The following WWOX variants were observed in gnomAD, a reference collection of about 807,000 sequenced individuals.
The protein encoded by WWOX is WW domain-containing oxidoreductase.
A neutral mutation model predicts 46.2 loss-of-function variants in WWOX; 69 were observed. The observed-to-expected ratio is 1.49, with a 90% CI of 1.23 to 1.82. WWOX has a LOEUF of 1.82. Among genes scored for constraint, WWOX ranks in the 40% most tolerant of loss-of-function variants. WWOX has a pLI of 0.00. For missense variants in WWOX, 919 were observed against 542.6 expected (o/e 1.69, Z -6.89); for synonymous variants, 359 against 202.6 (o/e 1.77, Z -6.56).
At chr16:78,389,250 A>G (rs1387457485) in intron 6 of WWOX, among the ~76,000 whole-genome samples, 2 of 152,180 alleles carry the variant, frequency 1.3e-5, no homozygotes, top group East Asian at 1.9e-4. Context: ...AGCATTCAAG[A>G]CATTTGTTCG....
intron 8 of WWOX, among the ~76,000 whole-genome samples, chr16:78,794,919 C>T (rs78125873): frequency 1.3e-5 from 2 of 152,152 alleles, no homozygotes; most frequent in Admixed American, 6.5e-5. Flanking sequence ...TAGCCCTGTG[C>T]CTGGCATACT....
intron 8 of WWOX, among the ~76,000 whole-genome samples, chr16:78,874,497 G>C (rs2151206554): frequency 6.6e-6 from 1 of 152,008 alleles, no homozygotes; most frequent in African/African-American, 2.4e-5. Context: ...AGCCTGATGT[G>C]GTGCCTGGCC....
intron 4 of WWOX, among the ~76,000 whole-genome samples, chr16:78,135,778 A>G (rs9929762): frequency 0.48 from 72,607 of 151,950 alleles, 17,434 homozygotes; most frequent in African/African-American, 0.54. Context: ...TGACATGTCG[A>G]TCTGTGATTC....
intron 8 of WWOX, among the ~76,000 whole-genome samples, chr16:79,123,525 G>T (rs181754917): frequency 6.6e-6 from 1 of 152,054 alleles, no homozygotes; most frequent in South Asian, 2.1e-4. Flanking sequence ...TAACAGTTCT[G>T]TGCCTGAGTA....
At chr16:78,755,186 G>T (rs1420538588) in intron 8 of WWOX, among the ~76,000 whole-genome samples, 6 of 148,548 alleles carry the variant, frequency 4.0e-5, no homozygotes, top group Admixed American at 1.4e-4. Context: ...TGCATGTTCT[G>T]CACATGTATC....
chr16:78,920,072 T>G (rs977884360), intron 8 of WWOX, among the ~76,000 whole-genome samples: 1 of 152,166 alleles, frequency 6.6e-6, no homozygotes, highest in South Asian at 2.1e-4. Context: ...GACCCCACCA[T>G]GCCATAGCTT....
At chr16:78,400,241 C>A (rs1039053626) in intron 6 of WWOX, among the ~76,000 whole-genome samples, 3 of 152,136 alleles carry the variant, frequency 2.0e-5, no homozygotes, top group Non-Finnish European at 4.4e-5. Context: ...GAAAAGGTCT[C>A]TGTTTGTCTC....
chr16:78,945,822 G>A (rs760281740), intron 8 of WWOX, among the ~76,000 whole-genome samples: 6 of 152,072 alleles, frequency 3.9e-5, no homozygotes, highest in Non-Finnish European at 7.4e-5. Flanking sequence ...TAGTTCGTAT[G>A]GGTTGAGCAT....
At chr16:78,179,706 A>C (rs971863241) in intron 5 of WWOX, 1 of 152,206 alleles carries the variant, frequency 6.6e-6, no homozygotes, top group African/African-American at 2.4e-5. Context: ...TCCTATTTTC[A>C]GATGAAAGAC....
chr16:78,538,335 C>T (rs76038525), intron 8 of WWOX, among the ~76,000 whole-genome samples: 5,995 of 151,474 alleles, frequency 0.04, 435 homozygotes, highest in African/African-American at 0.14. Context: ...TATCTAGGCA[C>T]GGCTGCCAGC....
At chr16:78,351,124 A>G (rs1274097334) in intron 5 of WWOX, among the ~76,000 whole-genome samples, 2 of 152,200 alleles carry the variant, frequency 1.3e-5, no homozygotes, top group African/African-American at 4.8e-5. Context: ...ACCTGTAATC[A>G]TGCCCACCTC....
chr16:78,922,928 C>G (rs570668393), intron 8 of WWOX, among the ~76,000 whole-genome samples: 2 of 151,514 alleles, frequency 1.3e-5, no homozygotes, highest in African/African-American at 4.8e-5. Flanking sequence ...GCCTAGAAAT[C>G]TAACATCTTT....
chr16:79,139,835 T>C (rs1170187584), intron 8 of WWOX, among the ~76,000 whole-genome samples: 2 of 152,214 alleles, frequency 1.3e-5, no homozygotes, highest in African/African-American at 4.8e-5. Context: ...AGTGACAGTA[T>C]CTACTAAAAC....
intron 8 of WWOX, among the ~76,000 whole-genome samples, chr16:78,591,265 TTCCCCAA>T (rs2045344635): frequency 6.6e-6 from 1 of 152,156 alleles, no homozygotes; most frequent in South Asian, 2.1e-4. Flanking sequence ...AAGGGAACCT[TTCCCCAA>T]AGCCCCTCAA....
chr16:78,134,077 T>C (rs887795963), intron 4 of WWOX, among the ~76,000 whole-genome samples: 1 of 152,222 alleles, frequency 6.6e-6, no homozygotes, highest in African/African-American at 2.4e-5. Flanking sequence ...GTGTTTCTCA[T>C]GTTGGTTAGG....
chr16:78,420,650 A>G (rs996472263), intron 6 of WWOX, among the ~76,000 whole-genome samples: 1 of 93,812 alleles, frequency 1.1e-5, no homozygotes, highest in East Asian at 3.7e-4. Flanking sequence ...AGTGATTGCT[A>G]ATTTTTTTTT....
chr16:78,457,063 C>T (rs16947559), intron 8 of WWOX, among the ~76,000 whole-genome samples: 2,398 of 152,258 alleles, frequency 0.016, 61 homozygotes, highest in African/African-American at 0.054. Context: ...TATGTGCCCA[C>T]CCTACGATTT....
intron 8 of WWOX, among the ~76,000 whole-genome samples, chr16:78,592,074 G>A (rs1377432374): frequency 6.6e-6 from 1 of 152,108 alleles, no homozygotes; most frequent in African/African-American, 2.4e-5. Flanking sequence ...GTCAATACGT[G>A]TGGATATTCA....
At chr16:78,582,159 C>G (rs1168442114) in intron 8 of WWOX, among the ~76,000 whole-genome samples, 1 of 152,142 alleles carries the variant, frequency 6.6e-6, no homozygotes, top group Non-Finnish European at 1.5e-5. Context: ...GTTATATGTT[C>G]AGCACAAGTG....
Sources: allele counts gnomAD v4.1 joint callset (sites outside exome capture counted in the v4.1 genomes callset), GRCh38; gene constraint gnomAD v4.1.1; transcripts MANE v1.5; gene names NCBI Gene and HGNC (gene_info 2026-07-23, HGNC 2026-07-21).